The following CCT8 variants were observed in gnomAD, a reference collection of about 807,000 sequenced individuals.
CCT8 encodes the protein T-complex protein 1 subunit theta.
A neutral mutation model predicts 65.7 loss-of-function variants in CCT8; 10 were observed. That is an observed-to-expected ratio of 0.15 (90% CI 0.09 to 0.26). CCT8 has a LOEUF of 0.26. CCT8 is among the 10% of genes least tolerant of loss of function. CCT8 has a pLI of 1.00. For missense variants in CCT8, 568 were observed against 669.1 expected, an observed-to-expected ratio of 0.85 and a Z score of 1.67; for synonymous variants, 199 against 221.8, an observed-to-expected ratio of 0.90 and a Z score of 0.92.
intron 14 of CCT8, among the ~76,000 whole-genome samples, chr21:29,060,338 A>C (rs532361517): frequency 3.3e-5 from 5 of 152,258 alleles, no homozygotes; most frequent in African/African-American, 9.6e-5. Context: ...AATGGGTTCT[A>C]AGGCTAAAAG....
intron 1 of CCT8, chr21:29,071,982 C>T (rs2085685418): frequency 1.4e-5 from 10 of 701,438 alleles, no homozygotes; most frequent in Non-Finnish European, 2.6e-5. Flanking sequence ...AGCTTCAGCC[C>T]TACAACCTGT....
rs2085638192 is a variant in CCT8, at chr21:29,067,609, C to T, written c.328G>A (p.Ala110Thr). ...GTNFVLVFAG[A>T]LLELAEELLR... ...AGTTCTTCAGCTAATTCCAGGAGAG[C>T]TCCAGCAAATACCAGAACAAAGTTT... The change falls in exon 4 of 15, where the codon GCT (alanine) becomes ACT (threonine). Residue 110 changes from alanine (A) to threonine (T), a missense_variant. By Grantham distance (58) the Ala-to-Thr change is moderately conservative. Transcript: ENST00000286788. 1.4e-6 allele frequency: 2 copies of T among 1,439,548 alleles called. No homozygotes were observed. The highest frequency in any genetic ancestry group is 1.8e-6 in the Non-Finnish European group (2 of 1,098,180). The allele number at this position is 1,439,548 out of a possible 1,614,324, so 89.2% of individuals were successfully genotyped here.
chr21:29,057,729 GTA>G (rs906131979), intron 14 of CCT8, among the ~76,000 whole-genome samples: 6 of 83,358 alleles, frequency 7.2e-5, no homozygotes, highest in Non-Finnish European at 1.4e-4. Flanking sequence ...ATACATATAT[GTA>G]TGATATATAT....
intron 14 of CCT8, 111 bp from the exon 15 acceptor site, chr21:29,056,663 T>C: frequency 1.8e-6 from 1 of 554,280 alleles, no homozygotes; most frequent in Non-Finnish European, 3.0e-6. Context: ...GGTATAATTA[T>C]GTACTGCATA....
At chr21:29,064,079 A>G (rs1209851947) in intron 7 of CCT8, among the ~76,000 whole-genome samples, 1 of 152,110 alleles carries the variant, frequency 6.6e-6, no homozygotes, top group East Asian at 1.9e-4. Flanking sequence ...TTTATTTTAA[A>G]TATGTCAGGT....
chr21:29,061,587 C>CAA lies in CCT8; in HGVS notation c.1213-22_1213-21dup, dbSNP rs567041193. 14 of 1,345,432 alleles carry CAA rather than the reference C, an allele frequency of 1.0e-5. No homozygotes were observed. Among genetic ancestry groups the CAA allele is most frequent in the Admixed American group, 2.2e-5 (1 of 46,486 alleles). The allele number at this position is 1,345,432 out of a possible 1,614,324, so 83.3% of individuals were successfully genotyped here. A position where few individuals can be genotyped will look rare whatever the true frequency, so the allele number is the denominator to read the frequency against. On this transcript the variant is annotated intron_variant, in intron 11 of 14. Transcript: ENST00000286788. The stretch of plus-strand genomic sequence containing the variant: ...TTTATCCTGTATGTAGCGCCCCCAC[C>CAA]AAAAAAAAAATGAACACAAAACAAA...
rs764027889 is a variant in CCT8, at chr21:29,067,708, A to G, written c.232-3T>C. The G allele has an allele frequency of 2.2e-6, 3 of 1,352,850 alleles. No individual in the cohort carries two copies. Among genetic ancestry groups the G allele is most frequent in the Non-Finnish European group, 2.9e-6 (3 of 1,044,132 alleles). The allele number at this position is 1,352,850 out of a possible 1,614,324, so 83.8% of individuals were successfully genotyped here. On this transcript the variant is annotated splice_polypyrimidine_tract_variant and splice_region_variant and intron_variant, in intron 3 of 14. Coordinates refer to ENST00000286788, the MANE Select transcript of CCT8 (RefSeq NM_006585.4). ...ATTTTTGCAGCAGGATGCTGTACCTAGTAGAAAAGGTAATATCAAGTTAAA... is the reference window on the plus strand; with the variant it reads ...ATTTTTGCAGCAGGATGCTGTACCTGGTAGAAAAGGTAATATCAAGTTAAA...
chr21:29,057,426 A>G (rs906444631), intron 14 of CCT8, among the ~76,000 whole-genome samples: 111 of 151,192 alleles, frequency 7.3e-4, no homozygotes, highest in Admixed American at 5.3e-4. Flanking sequence ...CAGCCTCCCA[A>G]AGTGTTGGGA....
intron 14 of CCT8, 46 bp downstream of exon 14, chr21:29,060,495 G>A (rs568053372): frequency 1.3e-6 from 2 of 1,585,184 alleles, no homozygotes; most frequent in Admixed American, 1.7e-5. Flanking sequence ...CTATTAAACA[G>A]TATGCAAATG....
chr21:29,070,846 CTG>C (rs2085672556), intron 1 of CCT8, among the ~76,000 whole-genome samples: 1 of 152,176 alleles, frequency 6.6e-6, no homozygotes, highest in African/African-American at 2.4e-5. Context: ...TTCTAACTAA[CTG>C]TTGAAATGTG....
chr21:29,056,985 ATAATC>A (rs2085505378), intron 14 of CCT8, among the ~76,000 whole-genome samples: 1 of 152,072 alleles, frequency 6.6e-6, no homozygotes, highest in African/African-American at 2.4e-5. Flanking sequence ...CTTTGCCATT[ATAATC>A]TAAAGTAGTT....
intron 3 of CCT8, among the ~76,000 whole-genome samples, chr21:29,068,093 C>G (rs1001421679): frequency 1.3e-5 from 2 of 152,228 alleles, no homozygotes; most frequent in Admixed American, 6.5e-5. Flanking sequence ...GGTCATGACT[C>G]TCAATATCTA....
chr21:29,056,809 T>A (rs1568906922), intron 14 of CCT8, among the ~76,000 whole-genome samples: 1 of 152,182 alleles, frequency 6.6e-6, no homozygotes, highest in Non-Finnish European at 1.5e-5. Flanking sequence ...TTCCAAGACA[T>A]GCACTTCAAT....
intron 14 of CCT8, among the ~76,000 whole-genome samples, chr21:29,057,820 TATG>T (rs1241335348): frequency 2.0e-5 from 3 of 149,700 alleles, no homozygotes; most frequent in Non-Finnish European, 3.0e-5. Flanking sequence ...GATATATACA[TATG>T]ATATGTGTGA....
chr21:29,069,725 AT>A (rs2085661685), intron 2 of CCT8, among the ~76,000 whole-genome samples: 1 of 152,224 alleles, frequency 6.6e-6, no homozygotes, highest in African/African-American at 2.4e-5. Context: ...GTCCTACAAT[AT>A]TTACTACGTA....
At chr21:29,064,119 C>G (rs2085593885) in intron 7 of CCT8, among the ~76,000 whole-genome samples, 1 of 152,054 alleles carries the variant, frequency 6.6e-6, no homozygotes, top group South Asian at 2.1e-4. Context: ...TGTCTTTTGA[C>G]AAAGGCTAAC....
At chr21:29,072,042 TC>T in intron 1 of CCT8, 1 of 691,420 alleles carries the variant, frequency 1.4e-6, no homozygotes, top group Admixed American at 2.1e-5. Flanking sequence ...CATTCCTTCC[TC>T]AGGGTCTTTG....
At chr21:29,057,827 T>C (rs1203056890) in intron 14 of CCT8, among the ~76,000 whole-genome samples, 2 of 150,046 alleles carry the variant, frequency 1.3e-5, no homozygotes, top group Non-Finnish European at 1.5e-5. Context: ...ACATATGATA[T>C]GTGTGATATA....
At chr21:29,058,375 C>T (rs957443921) in intron 14 of CCT8, among the ~76,000 whole-genome samples, 1 of 151,322 alleles carries the variant, frequency 6.6e-6, no homozygotes. Flanking sequence ...TGGGAGGTGG[C>T]GGTTGCAGTA....
Sources: gnomAD v4.1 joint callset for allele counts (sites outside exome capture counted in the v4.1 genomes callset) on GRCh38, gnomAD v4.1.1 for gene constraint, MANE v1.5 for transcripts, NCBI Gene and HGNC (gene_info 2026-07-23, HGNC 2026-07-21) for gene names.